Variants in SLA observed in about 807,000 individuals in gnomAD.
SLA encodes src-like-adapter.
In SLA, 16 loss-of-function variants were observed where a neutral mutation model predicts 30.3. That is an observed-to-expected ratio of 0.53 (90% CI 0.36 to 0.80). The LOEUF is 0.80. SLA is among the 30% of genes least tolerant of loss of function. The pLI, the probability that SLA is intolerant of heterozygous loss-of-function variation, is 0.01. For synonymous variants in SLA, 143 were observed against 137.8 expected (o/e 1.04, Z -0.26); for missense variants, 310 against 345.2 (o/e 0.90, Z 0.81).
chr8:133,051,824 T>C (rs1022096839), intron 3 of SLA, among the ~76,000 whole-genome samples: 7 of 152,220 alleles, frequency 4.6e-5, no homozygotes, highest in Non-Finnish European at 7.3e-5. Flanking sequence ...ATACAGTTAT[T>C]ATTTGCTATG....
At chr8:133,099,954 C>A (rs1849001012) in intron 1 of SLA, among the ~76,000 whole-genome samples, 1 of 152,146 alleles carries the variant, frequency 6.6e-6, no homozygotes, top group African/African-American at 2.4e-5. Flanking sequence ...CAGAGCAATC[C>A]CTTTATAAGT....
At chr8:133,061,170 C>G (rs1373718725) in intron 2 of SLA, among the ~76,000 whole-genome samples, 1 of 152,184 alleles carries the variant, frequency 6.6e-6, no homozygotes, top group Non-Finnish European at 1.5e-5. Context: ...ATGCCACACC[C>G]AGCTAATTTT....
At chr8:133,062,643 G>A (rs2131347914) in intron 2 of SLA, among the ~76,000 whole-genome samples, 1 of 152,318 alleles carries the variant, frequency 6.6e-6, no homozygotes, top group African/African-American at 2.4e-5. Context: ...GCCTCGGGAA[G>A]CATGCGTGTG....
chr8:133,039,035 G>A (rs192810814), intron 8 of SLA, among the ~76,000 whole-genome samples: 243 of 152,080 alleles, frequency 1.6e-3, no homozygotes, highest in Middle Eastern at 6.8e-3. Context: ...CCACCACCAC[G>A]CCCAGCTAAT....
At chr8:133,056,841 A>G (rs1564128950) in intron 3 of SLA, among the ~76,000 whole-genome samples, 2 of 152,158 alleles carry the variant, frequency 1.3e-5, no homozygotes, top group Non-Finnish European at 1.5e-5. Flanking sequence ...GGGCAGGACT[A>G]AAAGCTGGTC....
rs1839050315 is a variant in SLA at position 133,045,034 on chromosome 8, G to C, written c.434C>G (p.Ser145Cys). Residue 145 changes from serine to cysteine, a missense_variant, in exon 7 of 9, where the codon TCC becomes TGC. Transcript: ENST00000338087. Reference sequence around the variant, plus strand: ...CAGGCACTGGAAGGTGAGCCTCGGGGAAATGTAGTACCAGTTGTTGGGCAG... The same window carrying C: ...CAGGCACTGGAAGGTGAGCCTCGGGCAAATGTAGTACCAGTTGTTGGGCAG... ...FRLPNNWYYI[S>C]PRLTFQCLED... is the part of the protein sequence containing the mutation. 6.2e-6 allele frequency: 10 copies of C among 1,614,182 alleles called. No homozygotes were observed. Among genetic ancestry groups the C allele is most frequent in the Non-Finnish European group, 8.5e-6 (10 of 1,179,992 alleles).
chr8:133,072,431 G>GGGATAGAT (rs56842827), intron 2 of SLA, among the ~76,000 whole-genome samples: 1 of 152,300 alleles, frequency 6.6e-6, no homozygotes, highest in African/African-American at 2.4e-5. Flanking sequence ...CAGGAAGAGA[G>GGGATAGAT]GGATAGATGG....
chr8:133,050,465 G>T, intron 4 of SLA: 1 of 251,220 alleles, frequency 4.0e-6, no homozygotes, highest in Non-Finnish European at 7.7e-6. Flanking sequence ...TCATCCGAAG[G>T]ATTTCCAGAC....
intron 1 of SLA, among the ~76,000 whole-genome samples, chr8:133,097,341 A>C (rs1442704580): frequency 2.0e-5 from 3 of 152,258 alleles, no homozygotes; most frequent in Non-Finnish European, 4.4e-5. Context: ...TATATACAAG[A>C]GTATTTATTG....
chr8:133,073,365 A>T (rs1184538939), intron 2 of SLA: 6 of 151,806 alleles, frequency 4.0e-5, no homozygotes, highest in Non-Finnish European at 8.8e-5. Flanking sequence ...TCTTCTTCTT[A>T]TTTTTTTTAG....
chr8:133,091,929 G>C (rs1228144724), intron 1 of SLA, among the ~76,000 whole-genome samples: 1 of 152,062 alleles, frequency 6.6e-6, no homozygotes, highest in Non-Finnish European at 1.5e-5. Flanking sequence ...CTACGTCTGT[G>C]TGTGTGTGTG....
intron 7 of SLA, among the ~76,000 whole-genome samples, chr8:133,041,812 G>A (rs147746099): frequency 0.022 from 3,082 of 139,530 alleles, 117 homozygotes; most frequent in African/African-American, 0.08. Flanking sequence ...TTTTTTAGAC[G>A]GAGTCTTGCT....
chr8:133,054,163 C>T (rs1390991161), intron 3 of SLA, among the ~76,000 whole-genome samples: 2 of 152,084 alleles, frequency 1.3e-5, no homozygotes, highest in African/African-American at 2.4e-5. Flanking sequence ...TTATCATCTA[C>T]TCCTAGAACT....
At chr8:133,039,922 T>C in intron 8 of SLA, 76 bp downstream of exon 8, 1 of 1,514,014 alleles carries the variant, frequency 6.6e-7, no homozygotes, top group South Asian at 1.2e-5. Flanking sequence ...ACACACCGTT[T>C]TGTGCTCACA....
In SLA at chr8:133,038,579, C is replaced by T; in HGVS notation, c.776G>A (p.Gly259Asp). The change falls in exon 9 of 9, where the codon GGT (glycine) becomes GAT (aspartate). Residue 259 changes from glycine to aspartate, a missense_variant. Transcript: ENST00000338087. Reference protein sequence around the residue: ...RKKKSISLMYGGSKRKSSFFS... With the variant: ...RKKKSISLMYDGSKRKSSFFS... ...GAATGAGCTCTTTCTCTTGCTGCCA[C>T]CATACATCAGGGAGATGCTTTTCTT... 1.9e-6 allele frequency: 3 copies of T among 1,614,124 alleles called. No individual in the cohort carries two copies. The highest frequency in any genetic ancestry group is 2.5e-6 in the Non-Finnish European group (3 of 1,179,986).
At chr8:133,058,954 T>C in intron 3 of SLA, 1 of 479,850 alleles carries the variant, frequency 2.1e-6, no homozygotes, top group Admixed American at 2.2e-5. Context: ...CATGCTGGCT[T>C]GGGGGCATTG....
intron 2 of SLA, among the ~76,000 whole-genome samples, chr8:133,063,304 C>G (rs2741204): frequency 0.7 from 103,796 of 148,994 alleles, 36,655 homozygotes; most frequent in Non-Finnish European, 0.73. Flanking sequence ...ATCCCCTCCC[C>G]CAAGCTGCTT....
Position 133,038,345 on chromosome 8 carries a change from G to C in SLA, c.*179C>G. On this transcript the variant is annotated 3_prime_UTR_variant, in exon 9 of 9. Transcript: ENST00000338087. ...CAGCCCTGATCAGACACCAGGGAGG[G>C]GTTCCTTTGGTCATGATGTGGATAG... 1.6e-6 allele frequency: 1 copy of C among 611,844 alleles called. No homozygotes were observed. The highest frequency in any genetic ancestry group is 2.9e-6 in the Non-Finnish European group (1 of 344,432). 37.9% of individuals were successfully genotyped at this position (611,844 alleles called of 1,614,324 possible).
At chr8:133,098,488 C>T (rs1375568882) in intron 1 of SLA, among the ~76,000 whole-genome samples, 1 of 152,238 alleles carries the variant, frequency 6.6e-6, no homozygotes, top group East Asian at 1.9e-4. Context: ...CAATTTCCCA[C>T]TCACCTCCTT....
Sources: allele counts gnomAD v4.1 joint callset (sites outside exome capture counted in the v4.1 genomes callset), GRCh38; gene constraint gnomAD v4.1.1; transcripts MANE v1.5; gene names NCBI Gene and HGNC (gene_info 2026-07-23, HGNC 2026-07-21).